BARD1: variants seen among roughly 807,000 people sequenced by gnomAD.
BARD1 encodes BRCA1-associated RING domain protein 1.
A neutral mutation model predicts 77.0 loss-of-function variants in BARD1; 73 were observed. That is an observed-to-expected ratio of 0.95 (90% CI 0.79 to 1.15). The LOEUF is 1.15. Ranked by LOEUF, BARD1 falls within the 50% of genes most tolerant of loss-of-function variation. BARD1 has a pLI of 0.00. For synonymous variants in BARD1, 384 were observed against 338.0 expected (o/e 1.14, Z -1.49); for missense variants, 993 against 938.8 (o/e 1.06, Z -0.75).
At chr2:214,748,115 T>C (rs1360797636) in intron 7 of BARD1, among the ~76,000 whole-genome samples, 1 of 152,154 alleles carries the variant, frequency 6.6e-6, no homozygotes, top group Non-Finnish European at 1.5e-5. Flanking sequence ...TTTCTAAATA[T>C]AGCATATGAT....
intron 7 of BARD1, among the ~76,000 whole-genome samples, chr2:214,751,140 TATATATATA>T (rs1693417917): frequency 1.1e-4 from 5 of 45,824 alleles, no homozygotes; most frequent in Admixed American, 2.3e-4. Context: ...TATATATATA[TATATATATA>T]TATTTTTTTT....
At chr2:214,750,287 A>T (rs1693345440) in intron 7 of BARD1, among the ~76,000 whole-genome samples, 1 of 152,116 alleles carries the variant, frequency 6.6e-6, no homozygotes, top group South Asian at 2.1e-4. Context: ...TCCTACTCCC[A>T]GCTAGCCTGC....
intron 5 of BARD1, 100 bp from the exon 6 acceptor site, chr2:214,767,754 G>A: frequency 8.7e-7 from 1 of 1,145,820 alleles, no homozygotes; most frequent in South Asian, 1.4e-5. Context: ...TAAACGTCAG[G>A]CAGTAAATTT....
At chr2:214,744,884 G>T (rs1394448676) in intron 9 of BARD1, among the ~76,000 whole-genome samples, 183 bp downstream of exon 9, 2 of 152,164 alleles carry the variant, frequency 1.3e-5, no homozygotes, top group Non-Finnish European at 2.9e-5. Flanking sequence ...GCCCACCTGG[G>T]CCTCCCAAAG....
chr2:214,780,291 C>A (rs1694921188), intron 4 of BARD1, among the ~76,000 whole-genome samples: 1 of 152,040 alleles, frequency 6.6e-6, no homozygotes, highest in Admixed American at 6.6e-5. Flanking sequence ...GTAAAATAGA[C>A]AAAAGCAAAA....
Position 214,752,575 on chromosome 2 carries a change from T to C in BARD1, c.1569-20A>G, listed in dbSNP as rs751731322. On this transcript the variant is annotated intron_variant, in intron 6 of 10. Transcript: ENST00000260947. ...ATATTACTGGTAAAATAAGTGCAGATGTGTTTAAGTAAGTCAAATGTGTGA... is the reference window on the plus strand; with the variant it reads ...ATATTACTGGTAAAATAAGTGCAGACGTGTTTAAGTAAGTCAAATGTGTGA... 7 of 1,577,048 alleles carry C rather than the reference T, an allele frequency of 4.4e-6. No homozygotes were observed. The highest frequency in any genetic ancestry group is 3.3e-5 in the South Asian group (3 of 90,336).
intron 4 of BARD1, among the ~76,000 whole-genome samples, chr2:214,777,155 A>T (rs1694770810): frequency 1.3e-5 from 2 of 152,172 alleles, no homozygotes; most frequent in South Asian, 4.1e-4. Context: ...ACTGTAAGAA[A>T]ATTAATTTGC....
chr2:214,767,644 C>G lies in BARD1; in HGVS notation c.1406G>C (p.Cys469Ser), dbSNP rs587782040. Residue 469 changes from cysteine to serine, a missense_variant, in exon 6 of 11, where the codon TGC becomes TCC. Cys to Ser is a moderately radical substitution (Grantham distance 112). Coordinates refer to ENST00000260947, the MANE Select transcript of BARD1 (RefSeq NM_000465.4). The part of the protein sequence containing the change: ...HAGWTPLHEA[C>S]NHGHLKVVEL... ...CACTACCTTCAGGTGCCCATGATTG[C>G]AAGCTTCATGCTAATTAAATTTTTT... The G allele has an allele frequency of 6.2e-7, 1 of 1,613,854 alleles. No homozygotes were observed. Among genetic ancestry groups the G allele is most frequent in the Admixed American group, 1.7e-5 (1 of 59,992 alleles).
At chr2:214,732,916 A>T (rs74748351) in intron 9 of BARD1, among the ~76,000 whole-genome samples, 5,181 of 152,282 alleles carry the variant, frequency 0.034, 163 homozygotes, top group East Asian at 0.086. Flanking sequence ...GACAGAACTG[A>T]AAAAACTGGT....
chr2:214,751,956 T>C (rs911346708), intron 7 of BARD1, among the ~76,000 whole-genome samples: 1 of 152,196 alleles, frequency 6.6e-6, no homozygotes, highest in Non-Finnish European at 1.5e-5. Context: ...GATAGTCACC[T>C]GGCAGCCTCC....
chr2:214,809,288 C>T (rs1237199184), intron 1 of BARD1, 124 bp downstream of exon 1: 12 of 1,422,214 alleles, frequency 8.4e-6, no homozygotes, highest in African/African-American at 1.4e-5. Context: ...GTGCTAACCG[C>T]ACGCCGACCC....
intron 6 of BARD1, among the ~76,000 whole-genome samples, chr2:214,761,232 G>T (rs191991717): frequency 6.6e-6 from 1 of 151,838 alleles, no homozygotes; most frequent in East Asian, 1.9e-4. Flanking sequence ...TTGGCAGGGG[G>T]CAGGATATTT....
intron 2 of BARD1, among the ~76,000 whole-genome samples, chr2:214,795,339 A>G (rs886819445): frequency 1.3e-5 from 2 of 152,164 alleles, no homozygotes; most frequent in Non-Finnish European, 2.9e-5. Flanking sequence ...TGAATGAGCT[A>G]AAAGGAGAAG....
intron 9 of BARD1, among the ~76,000 whole-genome samples, chr2:214,732,651 T>A (rs547169592): frequency 2.0e-5 from 3 of 152,290 alleles, no homozygotes; most frequent in Non-Finnish European, 2.9e-5. Flanking sequence ...CACCTCAGCC[T>A]CCCAAAGTGC....
chr2:214,805,740 C>T (rs1312273670), intron 1 of BARD1, among the ~76,000 whole-genome samples: 2 of 151,750 alleles, frequency 1.3e-5, no homozygotes, highest in African/African-American at 4.8e-5. Context: ...CAAAATTAAG[C>T]TTGATCATCT....
chr2:214,731,212 G>C (rs1692342173), intron 9 of BARD1: 2 of 201,292 alleles, frequency 9.9e-6, no homozygotes. Context: ...AAGCAATAGA[G>C]ACAGCTCAGC....
At chr2:214,786,625 C>T (rs1391662025) in intron 3 of BARD1, among the ~76,000 whole-genome samples, 1 of 151,898 alleles carries the variant, frequency 6.6e-6, no homozygotes, top group Non-Finnish European at 1.5e-5. Flanking sequence ...CAGACATGGT[C>T]CCTCTCTAGC....
chr2:214,732,677 G>C (rs1463533884), intron 9 of BARD1, among the ~76,000 whole-genome samples: 2 of 152,168 alleles, frequency 1.3e-5, no homozygotes. Context: ...TTACAGGCGT[G>C]AACCACCACA....
chr2:214,788,440 G>A (rs1311928126), intron 3 of BARD1, among the ~76,000 whole-genome samples: 1 of 152,000 alleles, frequency 6.6e-6, no homozygotes. Context: ...GCTCATTTTA[G>A]AAAGTATTAC....
Sources: gnomAD v4.1 joint callset for allele counts (sites outside exome capture counted in the v4.1 genomes callset) on GRCh38, gnomAD v4.1.1 for gene constraint, MANE v1.5 for transcripts, NCBI Gene and HGNC (gene_info 2026-07-23, HGNC 2026-07-21) for gene names.